The following DLGAP2 variants were observed in gnomAD, a reference collection of about 807,000 sequenced individuals.
The protein encoded by DLGAP2 is disks large-associated protein 2.
A neutral mutation model predicts 100.3 loss-of-function variants in DLGAP2; 26 were observed. The observed-to-expected ratio is 0.26, with a 90% CI of 0.19 to 0.36. The LOEUF is 0.36. DLGAP2 is among the 10% of genes least tolerant of loss of function. The pLI, the probability that DLGAP2 is intolerant of heterozygous loss-of-function variation, is 1.00. For synonymous variants in DLGAP2, 886 were observed against 630.1 expected, an observed-to-expected ratio of 1.41 and a Z score of -6.08; for missense variants, 1,858 against 1,453.2, an observed-to-expected ratio of 1.28 and a Z score of -4.53.
In DLGAP2 at chr8:1,105,820, C is replaced by G. The variant is rs1329537883; in HGVS notation, c.74-153031C>G. 3.6e-5 allele frequency among the ~76,000 whole-genome samples: 4 copies of G among 112,376 alleles called. No homozygotes were observed. The Admixed American group carries it at 3.6e-4, about 10-fold the overall frequency. The allele number at this position is 112,376 out of a possible 152,430, so 73.7% of individuals were successfully genotyped here. On this transcript the variant is annotated intron_variant, in intron 2 of 14. Transcript: ENST00000637795. ...GGAGCCATTCTAGGAGGGTTTTCTA[C>G]TGAAGGGGGCCATTCTAGGAGGGTT...
intron 2 of DLGAP2, among the ~76,000 whole-genome samples, chr8:915,301 G>A (rs913251672): frequency 4.6e-5 from 7 of 152,098 alleles, no homozygotes; most frequent in Non-Finnish European, 8.8e-5. Flanking sequence ...TAATCCCAGC[G>A]CTTTGGGAGG....
chr8:1,537,257 G>A (rs1801184385), intron 4 of DLGAP2, among the ~76,000 whole-genome samples: 1 of 152,186 alleles, frequency 6.6e-6, no homozygotes, highest in African/African-American at 2.4e-5. Context: ...GTGCAAGTTT[G>A]TGCATGTGCA....
At chr8:1,312,990 T>C (rs1800647575) in intron 3 of DLGAP2, among the ~76,000 whole-genome samples, 1 of 152,212 alleles carries the variant, frequency 6.6e-6, no homozygotes, top group African/African-American at 2.4e-5. Context: ...AGTAGCAAGA[T>C]GCAGAACCCC....
At chr8:1,226,944 G>C (rs954954712) in intron 2 of DLGAP2, among the ~76,000 whole-genome samples, 1 of 151,648 alleles carries the variant, frequency 6.6e-6, no homozygotes, top group Non-Finnish European at 1.5e-5. Flanking sequence ...ATGGAAAACA[G>C]TATCGACGTT....
chr8:1,481,673 T>G (rs1306471350), intron 3 of DLGAP2, among the ~76,000 whole-genome samples: 1 of 152,010 alleles, frequency 6.6e-6, no homozygotes, highest in Non-Finnish European at 1.5e-5. Flanking sequence ...AGACGGGGTT[T>G]CACCTTGTTG....
chr8:1,023,211 G>T (rs772176512), intron 2 of DLGAP2, among the ~76,000 whole-genome samples: 1 of 152,194 alleles, frequency 6.6e-6, no homozygotes, highest in Non-Finnish European at 1.5e-5. Context: ...GACTCAAAGA[G>T]TATCTGGTCA....
At chr8:923,354 C>G (rs952161865) in intron 2 of DLGAP2, among the ~76,000 whole-genome samples, 4 of 152,234 alleles carry the variant, frequency 2.6e-5, no homozygotes, top group Non-Finnish European at 5.9e-5. Flanking sequence ...CCTAGGAATG[C>G]GTGGAGGAAG....
intron 1 of DLGAP2, among the ~76,000 whole-genome samples, chr8:883,603 A>T (rs1269974705): frequency 6.8e-6 from 1 of 146,896 alleles, no homozygotes; most frequent in Non-Finnish European, 1.5e-5. Flanking sequence ...TTACATAGGA[A>T]CGCGTGTGCC....
intron 8 of DLGAP2, among the ~76,000 whole-genome samples, chr8:1,651,311 C>T (rs746037177): frequency 1.3e-5 from 2 of 152,136 alleles, no homozygotes; most frequent in African/African-American, 2.4e-5. Context: ...TGAGCCCAAC[C>T]GAATGAAGCG....
At chr8:1,213,149 G>A (rs768719814) in intron 2 of DLGAP2, among the ~76,000 whole-genome samples, 60 of 152,154 alleles carry the variant, frequency 3.9e-4, no homozygotes, top group African/African-American at 1.3e-3. Flanking sequence ...CTCAAGTCAC[G>A]TCATGATTTC....
chr8:1,184,496 C>T (rs985748700), intron 2 of DLGAP2, among the ~76,000 whole-genome samples: 2 of 152,294 alleles, frequency 1.3e-5, no homozygotes, highest in Middle Eastern at 3.4e-3. Context: ...AGTGGGTACC[C>T]GGGGTGCACG....
At chr8:1,157,067 C>T (rs903933653) in intron 2 of DLGAP2, among the ~76,000 whole-genome samples, 1 of 152,164 alleles carries the variant, frequency 6.6e-6, no homozygotes, top group Non-Finnish European at 1.5e-5. Context: ...CTGAGGGACT[C>T]GGTGGTGTCA....
chr8:1,618,120 A>G (rs1320110771), intron 6 of DLGAP2, among the ~76,000 whole-genome samples: 1 of 152,152 alleles, frequency 6.6e-6, no homozygotes, highest in African/African-American at 2.4e-5. Context: ...AAGGCAAACA[A>G]GAAGAGAAAA....
intron 2 of DLGAP2, among the ~76,000 whole-genome samples, chr8:1,070,680 C>G (rs1803400937): frequency 6.6e-6 from 1 of 152,178 alleles, no homozygotes; most frequent in African/African-American, 2.4e-5. Flanking sequence ...CACAAACACT[C>G]ACTCCCTCCT....
chr8:1,295,816 GT>G (rs2116979535), intron 3 of DLGAP2, among the ~76,000 whole-genome samples: 1 of 152,302 alleles, frequency 6.6e-6, no homozygotes, highest in South Asian at 2.1e-4. Flanking sequence ...GAGATGTTCT[GT>G]TTTGCTCACA....
chr8:1,327,541 G>T (rs1368053365), intron 3 of DLGAP2, among the ~76,000 whole-genome samples: 1 of 152,152 alleles, frequency 6.6e-6, no homozygotes, highest in African/African-American at 2.4e-5. Flanking sequence ...TAAATCTCTT[G>T]CAAGTGTAAA....
intron 3 of DLGAP2, among the ~76,000 whole-genome samples, chr8:1,298,129 A>T (rs1800234365): frequency 6.6e-6 from 1 of 150,524 alleles, no homozygotes; most frequent in Admixed American, 6.6e-5. Flanking sequence ...GCGTCAACAG[A>T]CACCACGTGA....
chr8:1,699,409 T>C (rs1353563145), intron 14 of DLGAP2, among the ~76,000 whole-genome samples: 1 of 150,046 alleles, frequency 6.7e-6, no homozygotes, highest in Non-Finnish European at 1.5e-5. Flanking sequence ...ATCAAGATCA[T>C]ACTGGCTAAC....
chr8:1,414,614 G>A (rs1796827236), intron 3 of DLGAP2, among the ~76,000 whole-genome samples: 1 of 152,246 alleles, frequency 6.6e-6, no homozygotes, highest in Admixed American at 6.5e-5. Flanking sequence ...GAGCGGAGCT[G>A]CCCGGCAGCT....
Sources: gnomAD v4.1 joint callset for allele counts (sites outside exome capture counted in the v4.1 genomes callset) on GRCh38, gnomAD v4.1.1 for gene constraint, MANE v1.5 for transcripts, NCBI Gene and HGNC (gene_info 2026-07-23, HGNC 2026-07-21) for gene names.